UNC80: variants seen among roughly 807,000 people sequenced by gnomAD.
The protein encoded by UNC80 is unc-80 subunit of NALCN channel complex.
Under a neutral mutation model 384.6 loss-of-function variants are expected in UNC80, and 164 were observed. That is an observed-to-expected ratio of 0.43 (90% confidence interval 0.38 to 0.49). The LOEUF (loss-of-function observed/expected upper bound fraction) is 0.49, where lower values mean the gene tolerates loss of function less well. Among genes scored for constraint, UNC80 ranks in the 20% least tolerant of loss-of-function variants. The pLI, the probability that UNC80 is intolerant of heterozygous loss-of-function variation, is 0.00. For missense variants in UNC80, 3,330 were observed against 4,143.0 expected (o/e 0.80, Z 5.39); for synonymous variants, 1,486 against 1,527.8 (o/e 0.97, Z 0.64).
At chr2:209,925,647 A>G (rs575339796) in intron 35 of UNC80, among the ~76,000 whole-genome samples, 3 of 152,096 alleles carry the variant, frequency 2.0e-5, no homozygotes, top group Non-Finnish European at 2.9e-5. Context: ...TGCGTTTACA[A>G]TCCTTTAGCT....
At chr2:209,963,245 T>C (rs111227890) in intron 51 of UNC80, among the ~76,000 whole-genome samples, 4,935 of 152,318 alleles carry the variant, frequency 0.032, 165 homozygotes, top group South Asian at 0.14. Context: ...CTCTCGTGTG[T>C]GGTCTCTATC....
At chr2:209,869,745 C>T (rs928654528) in intron 22 of UNC80, among the ~76,000 whole-genome samples, 9 of 152,040 alleles carry the variant, frequency 5.9e-5, no homozygotes, top group Admixed American at 2.6e-4. Context: ...AATTACCAAC[C>T]TCCCCCTTAT....
intron 25 of UNC80, among the ~76,000 whole-genome samples, chr2:209,885,315 C>A (rs2085686315): frequency 6.6e-6 from 1 of 151,982 alleles, no homozygotes; most frequent in Non-Finnish European, 1.5e-5. Flanking sequence ...TAAGAGGGTC[C>A]CTGAGAAAGT....
chr2:209,818,127 A>G (rs942913683), intron 11 of UNC80, among the ~76,000 whole-genome samples, 175 bp downstream of exon 11: 7 of 152,208 alleles, frequency 4.6e-5, no homozygotes, highest in Non-Finnish European at 8.8e-5. Context: ...AGCAAGAACT[A>G]TTTAACACCG....
At chr2:209,805,257 T>A (rs2153826598) in intron 7 of UNC80, among the ~76,000 whole-genome samples, 1 of 152,354 alleles carries the variant, frequency 6.6e-6, no homozygotes, top group South Asian at 2.1e-4. Flanking sequence ...TGTTACTACA[T>A]AACAAGGATT....
In UNC80 at chr2:209,939,237, A is replaced by G. The variant is rs558946528; in HGVS notation, c.6466-235A>G. ...ATGCTCCTCTCCAGCCTAAAACTCC[A>G]TAAGGAACATTTCCTTCTGTAAAGC... On this transcript the variant is annotated intron_variant, in intron 42 of 64. Coordinates refer to ENST00000673920, the MANE Select transcript of UNC80 (RefSeq NM_001371986.1). Among the ~76,000 whole-genome samples, 54 of 152,280 alleles carry G rather than the reference A, an allele frequency of 3.5e-4. 1 individual carries two copies. Among genetic ancestry groups the G allele is most frequent in the African/African-American group, 1.2e-3 (51 of 41,564 alleles).
chr2:209,912,729 C>G lies in UNC80; in HGVS notation c.4890+62C>G, dbSNP rs1020153072. ...TTAACAGGGAGGGGACTCCAGACAG[C>G]CTATTTACTAATGTTTGGGACATAC... is the stretch of plus-strand genomic sequence containing the variant. On this transcript the variant is annotated intron_variant, in intron 30 of 64. Coordinates refer to ENST00000673920, the MANE Select transcript of UNC80 (RefSeq NM_001371986.1). 6 of 1,143,916 alleles carry G rather than the reference C, an allele frequency of 5.2e-6. No individual in the cohort carries two copies. In the Admixed American group the frequency reaches 1.3e-4, roughly 25 times the overall value. The allele number at this position is 1,143,916 out of a possible 1,614,324, so 70.9% of individuals were successfully genotyped here.
chr2:209,838,393 CT>C (rs1316917141), intron 18 of UNC80, among the ~76,000 whole-genome samples: 1 of 151,840 alleles, frequency 6.6e-6, no homozygotes, highest in South Asian at 2.1e-4. Flanking sequence ...GGCCACTGGT[CT>C]TTTTCCTGTT....
intron 22 of UNC80, among the ~76,000 whole-genome samples, chr2:209,858,850 CTT>C (rs199667313): frequency 0.013 from 1,960 of 151,874 alleles, 46 homozygotes; most frequent in African/African-American, 0.043. Context: ...ATTTATTACA[CTT>C]TTTATTTTTT....
chr2:209,882,927 A>C (rs1190538917), intron 25 of UNC80, among the ~76,000 whole-genome samples: 1 of 152,172 alleles, frequency 6.6e-6, no homozygotes, highest in Non-Finnish European at 1.5e-5. Context: ...AATCTTCTAA[A>C]TTTGATTAAT....
At chr2:209,835,166 C>T (rs898503859) in intron 18 of UNC80, among the ~76,000 whole-genome samples, 156 bp downstream of exon 18, 4 of 152,286 alleles carry the variant, frequency 2.6e-5, no homozygotes, top group African/African-American at 7.2e-5. Flanking sequence ...CACTAACTCT[C>T]CAGGCCAAAT....
Position 209,839,285 on chromosome 2 carries a change from C to T in UNC80, c.3105C>T (p.Ser1035=), listed in dbSNP as rs563718008. Residue 1035 remains serine, a synonymous_variant, in exon 19 of 65, where the codon TCC becomes TCT. Coordinates refer to ENST00000673920, the MANE Select transcript of UNC80 (RefSeq NM_001371986.1). This position sits in a 1 kb window ranked among gnomAD's most constrained non-coding sequence, Gnocchi z 4.1. ...ATTTCTGGCGTAAGATGTTCAAGTC[C>T]CAGAGTGCAGCAAGTGACACCAGCA... ...RKDFWRKMFK[S]QSAASDTSSQ... is the part of the protein sequence containing the mutation. 3 of 1,551,560 alleles carry T rather than the reference C, an allele frequency of 1.9e-6. No individual in the cohort carries two copies. Among genetic ancestry groups the T allele is most frequent in the Middle Eastern group, 1.7e-4 (1 of 5,990 alleles).
At position 209,814,057 on chromosome 2, in the gene UNC80, T is replaced by A. The variant is rs113195226; in HGVS notation, c.1200+216T>A. ...GAAGAAGTGCACCTCTTGCACATGCTAATTTAGTATAAGTCTTTGTTTATC... is the reference window on the plus strand; with the variant it reads ...GAAGAAGTGCACCTCTTGCACATGCAAATTTAGTATAAGTCTTTGTTTATC... On this transcript the variant is annotated intron_variant, in intron 8 of 64. Transcript: ENST00000673920. Among the ~76,000 whole-genome samples the A allele has an allele frequency of 4.2e-3, 642 of 152,336 alleles. 3 individuals are homozygous for A. The highest frequency in any genetic ancestry group is 0.014 in the Middle Eastern group (4 of 294).
At chr2:209,812,177 G>C (rs949445746) in intron 7 of UNC80, among the ~76,000 whole-genome samples, 35 of 151,736 alleles carry the variant, frequency 2.3e-4, no homozygotes, top group African/African-American at 8.5e-4. Flanking sequence ...AGCCTCCGGA[G>C]TAGCTGAGAC....
At chr2:209,918,496 T>G in intron 32 of UNC80, 36 bp from the exon 33 acceptor site, 1 of 1,545,554 alleles carries the variant, frequency 6.5e-7, no homozygotes, top group Non-Finnish European at 8.8e-7. Flanking sequence ...TAGCTTATAT[T>G]CCCTCTCACC....
At position 209,984,882 on chromosome 2, in the gene UNC80, A is replaced by G. The variant is rs1434592182; in HGVS notation, c.9284A>G (p.Gln3095Arg). Residue 3095 changes from glutamine to arginine, a missense_variant, in exon 61 of 65, where the codon CAG becomes CGG. Physicochemically the swap from Gln to Arg is conservative, Grantham distance 43. Coordinates refer to ENST00000673920, the MANE Select transcript of UNC80 (RefSeq NM_001371986.1). ...QSEPNVLDDS[Q>R]GLAAEGSLSR... The stretch of plus-strand genomic sequence containing the variant: ...GAACCTAATGTCCTCGATGACTCCC[A>G]GGGCCTGGCCGCCGAGGGCAGCCTC... 3 of 1,548,902 alleles carry G rather than the reference A, an allele frequency of 1.9e-6. No individual in the cohort carries two copies. The highest frequency in any genetic ancestry group is 2.6e-6 in the Non-Finnish European group (3 of 1,146,312).
chr2:209,857,667 C>G (rs1262524008), intron 22 of UNC80, among the ~76,000 whole-genome samples: 1 of 152,064 alleles, frequency 6.6e-6, no homozygotes, highest in Non-Finnish European at 1.5e-5. Flanking sequence ...ATTCTTTTCT[C>G]TATTGTAAAC....
At chr2:209,982,120 TG>T (rs1207309017) in intron 59 of UNC80, 58 bp from the exon 60 acceptor site, 13 of 1,505,662 alleles carry the variant, frequency 8.6e-6, no homozygotes, top group Admixed American at 6.2e-5. Flanking sequence ...CAGCTTTGGT[TG>T]GGTTTTTCTG....
At chr2:209,813,446 TTAGAG>T (rs895416365) in intron 7 of UNC80, 129 bp from the exon 8 acceptor site, 9 of 917,912 alleles carry the variant, frequency 9.8e-6, no homozygotes, top group African/African-American at 6.7e-5. Context: ...TGGAAGGATA[TTAGAG>T]TAAACTACGT....
Sources: allele counts gnomAD v4.1 joint callset (sites outside exome capture counted in the v4.1 genomes callset), GRCh38; gene constraint gnomAD v4.1.1; non-coding constraint Gnocchi (gnomAD v3.1); transcripts MANE v1.5; gene names NCBI Gene and HGNC (gene_info 2026-07-23, HGNC 2026-07-21).